Variants in IFT27 observed in about 807,000 individuals in gnomAD.
IFT27 encodes the protein intraflagellar transport 27, also known as intraflagellar transport protein 27 homolog.
Under a neutral mutation model 23.9 loss-of-function variants are expected in IFT27, and 19 were observed. The observed-to-expected ratio is 0.79, with a 90% CI of 0.55 to 1.16. The LOEUF is 1.16. IFT27 is among the 50% of genes most tolerant of loss of function. IFT27 has a pLI of 0.00. For missense variants in IFT27, 206 were observed against 228.7 expected, an observed-to-expected ratio of 0.90 and a Z score of 0.64; for synonymous variants, 91 against 89.1, an observed-to-expected ratio of 1.02 and a Z score of -0.12.
In IFT27 at chr22:36,758,359, G is replaced by A. The variant is rs769127617; in HGVS notation, c.513C>T (p.Phe171=). 3 of 1,614,186 alleles carry A rather than the reference G, an allele frequency of 1.9e-6. No individual in the cohort carries two copies. Among genetic ancestry groups the A allele is most frequent in the Non-Finnish European group, 1.7e-6 (2 of 1,180,032 alleles). ...EAPFHCLAKQ[F]HQLYREKVEV... is the part of the protein sequence containing the mutation. ...CCACCTTCTCCCGGTACAGCTGGTG[G>A]AACTGCTTGGCAAGGCAGTGGAAAG... The change falls in exon 7 of 7, where the codon TTC becomes TTT. Residue 171 remains phenylalanine (F), a synonymous_variant. Transcript: ENST00000433985.
intron 3 of IFT27, chr22:36,767,088 C>T (rs2145920155): frequency 2.3e-6 from 1 of 432,716 alleles, no homozygotes; most frequent in African/African-American, 2.0e-5. Flanking sequence ...GAACAAGTTC[C>T]TCAAGGGCCA....
intron 1 of IFT27, among the ~76,000 whole-genome samples, chr22:36,771,511 T>C (rs913466429): frequency 6.6e-6 from 1 of 152,064 alleles, no homozygotes; most frequent in African/African-American, 2.4e-5. Context: ...TGGTGCTCTG[T>C]GGCATGTGCT....
Position 36,766,174 on chromosome 22 carries a change from A to G in IFT27, c.198T>C (p.Ala66=), listed in dbSNP as rs147481935. The change falls in exon 4 of 7, where the codon GCT becomes GCC. Residue 66 remains alanine, a synonymous_variant. Coordinates refer to ENST00000433985, the MANE Select transcript of IFT27 (RefSeq NM_001177701.3). ...GCATTTCCGAAAACAGCTCCTTGCC[A>G]GCAGAGTCAAAAATGAAGAGTTCCT... The part of the protein sequence containing the change: ...DSVELFIFDS[A]GKELFSEMLD... 1.9e-5 allele frequency: 30 copies of G among 1,614,076 alleles called. 1 individual carries two copies. Among genetic ancestry groups the G allele is most frequent in the Admixed American group, 3.3e-5 (2 of 60,006 alleles).
chr22:36,767,924 G>A lies in IFT27; in HGVS notation c.35-62C>T, dbSNP rs113640816. On this transcript the variant is annotated intron_variant, in intron 1 of 6. Coordinates refer to ENST00000433985, the MANE Select transcript of IFT27 (RefSeq NM_001177701.3). ...TTCTCATCTGACTTGAGAATCTCCCGCTGCAGAACATTAGTCTAGAAACCA... is the reference window on the plus strand; with the variant it reads ...TTCTCATCTGACTTGAGAATCTCCCACTGCAGAACATTAGTCTAGAAACCA... 2,213 of 1,398,878 alleles carry A rather than the reference G, an allele frequency of 1.6e-3. 15 individuals carry two copies. The highest frequency in any genetic ancestry group is 0.014 in the Middle Eastern group (79 of 5,664). 86.7% of individuals were successfully genotyped at this position (1,398,878 alleles called of 1,614,324 possible). A position where few individuals can be genotyped will look rare whatever the true frequency, so the allele number is the denominator to read the frequency against.
At chr22:36,766,042 A>G in intron 4 of IFT27, 96 bp downstream of exon 4, 1 of 977,494 alleles carries the variant, frequency 1.0e-6, no homozygotes, top group Middle Eastern at 2.1e-4. Flanking sequence ...GCTTCCCAAC[A>G]GCACAGTGCA....
Position 36,775,832 on chromosome 22 carries a change from A to C in IFT27, c.-125T>G. On this transcript the variant is annotated 5_prime_UTR_variant, in exon 1 of 7. Transcript: ENST00000433985. ...GGTGGGGAGGGGAGGGCTGATCTCA[A>C]GGGTCAGTGGCCGCGACGGGACTGG... is the stretch of plus-strand genomic sequence containing the variant. 1.5e-6 allele frequency: 1 copy of C among 667,874 alleles called. No homozygotes were observed. Among genetic ancestry groups the C allele is most frequent in the Non-Finnish European group, 2.4e-6 (1 of 422,466 alleles). The allele number at this position is 667,874 out of a possible 1,614,324, so 41.4% of individuals were successfully genotyped here. A position where few individuals can be genotyped will look rare whatever the true frequency, so the allele number is the denominator to read the frequency against.
At position 36,775,813 on chromosome 22, in the gene IFT27, G is replaced by A; in HGVS notation, c.-106C>T. 1.7e-6 allele frequency: 2 copies of A among 1,147,842 alleles called. No homozygotes were observed. The highest frequency in any genetic ancestry group is 2.6e-6 in the Non-Finnish European group (2 of 760,670). The allele number at this position is 1,147,842 out of a possible 1,614,324, so 71.1% of individuals were successfully genotyped here. Reference sequence around the variant, plus strand: ...GGCTGGCCTGGGACGGGAAGGTGGGGAGGGGAGGGCTGATCTCAAGGGTCA... The same window carrying A: ...GGCTGGCCTGGGACGGGAAGGTGGGAAGGGGAGGGCTGATCTCAAGGGTCA... On this transcript the variant is annotated 5_prime_UTR_variant, in exon 1 of 7. Coordinates refer to ENST00000433985, the MANE Select transcript of IFT27 (RefSeq NM_001177701.3).
chr22:36,765,406 G>A (rs1051398314), intron 4 of IFT27, among the ~76,000 whole-genome samples: 8 of 152,260 alleles, frequency 5.3e-5, no homozygotes, highest in Admixed American at 2.6e-4. Context: ...CCATGCACAC[G>A]GTAGGCAATT....
chr22:36,762,981 C>G lies in IFT27; in HGVS notation c.385G>C (p.Gly129Arg). The change falls in exon 6 of 7, where the codon GGC becomes CGC. Residue 129 changes from glycine (G) to arginine (R), a missense_variant. Gly to Arg is a moderately radical substitution (Grantham distance 125). Coordinates refer to ENST00000433985, the MANE Select transcript of IFT27 (RefSeq NM_001177701.3). ...TCAGCTGAGTCCACTGCTCGTCTGC[C>G]GGCCAGGTCTGTCTTGTTCCCAACT... ...VLVGNKTDLA[G>R]RRAVDSAEAR... 1.2e-6 allele frequency: 2 copies of G among 1,606,122 alleles called. No individual in the cohort carries two copies. Among genetic ancestry groups the G allele is most frequent in the Non-Finnish European group, 1.7e-6 (2 of 1,175,480 alleles).
At position 36,762,828 on chromosome 22, in the gene IFT27, C is replaced by T. The variant is rs147035223; in HGVS notation, c.462+76G>A. On this transcript the variant is annotated intron_variant, in intron 6 of 6. Transcript: ENST00000433985. ...TATGGTGGAATAACAGCTCCCTGCA[C>T]GTGAGGTCATGTGCAAGACCGCTGC... 2.0e-3 allele frequency: 1,638 copies of T among 833,772 alleles called. 11 individuals carry two copies. The highest frequency in any genetic ancestry group is 0.02 in the Middle Eastern group (72 of 3,672). The allele number at this position is 833,772 out of a possible 1,614,324, so 51.6% of individuals were successfully genotyped here. A position where few individuals can be genotyped will look rare whatever the true frequency, so the allele number is the denominator to read the frequency against.
intron 4 of IFT27, 144 bp downstream of exon 4, chr22:36,765,994 G>A: frequency 1.4e-6 from 1 of 735,814 alleles, no homozygotes; most frequent in South Asian, 1.6e-5. Flanking sequence ...TGAGTCCTGG[G>A]CTGGGAGGAA....
chr22:36,766,455 C>T (rs1938252761), intron 3 of IFT27: 1 of 486,312 alleles, frequency 2.1e-6, no homozygotes, highest in Non-Finnish European at 3.8e-6. Context: ...CTCTTGTAAC[C>T]CTGAGTGCAA....
At chr22:36,772,628 C>A in intron 1 of IFT27, 1 of 985,488 alleles carries the variant, frequency 1.0e-6, no homozygotes, top group South Asian at 4.7e-5. Flanking sequence ...GTATCACACG[C>A]ATCTTAGTTC....
At chr22:36,758,510 C>G (rs1294464375) in intron 6 of IFT27, 101 bp from the exon 7 acceptor site, 6 of 882,294 alleles carry the variant, frequency 6.8e-6, no homozygotes, top group Non-Finnish European at 1.1e-5. Flanking sequence ...CTACTTTCCA[C>G]CTCATTTCAT....
intron 4 of IFT27, among the ~76,000 whole-genome samples, chr22:36,764,793 G>T (rs763375428): frequency 1.3e-5 from 2 of 152,234 alleles, no homozygotes; most frequent in Non-Finnish European, 1.5e-5. Context: ...CAGAGTCCTG[G>T]GATGTCCTGC....
At chr22:36,760,313 TG>T (rs36033673) in intron 6 of IFT27, 1 of 152,192 alleles carries the variant, frequency 6.6e-6, no homozygotes, top group Non-Finnish European at 1.5e-5. Context: ...AATGCAATCT[TG>T]GGAGATCGCA....
intron 2 of IFT27, 136 bp downstream of exon 2, chr22:36,767,647 C>T (rs931199398): frequency 9.6e-6 from 8 of 831,964 alleles, no homozygotes; most frequent in Admixed American, 4.1e-5. Context: ...GTGGAAAAAA[C>T]GATCTCCACG....
chr22:36,758,495 G>T, intron 6 of IFT27, 86 bp from the exon 7 acceptor site: 2 of 1,001,288 alleles, frequency 2.0e-6, no homozygotes, highest in Non-Finnish European at 3.2e-6. Flanking sequence ...TCATTCGGGG[G>T]CTACCTACTT....
At chr22:36,763,256 C>T (rs774242122) in intron 5 of IFT27, 3 of 412,582 alleles carry the variant, frequency 7.3e-6, no homozygotes, top group Non-Finnish European at 1.3e-5. Flanking sequence ...CTAGACCTCA[C>T]GTGTATCTGT....
Sources: allele counts gnomAD v4.1 joint callset (sites outside exome capture counted in the v4.1 genomes callset), GRCh38; gene constraint gnomAD v4.1.1; transcripts MANE v1.5; gene names NCBI Gene and HGNC (gene_info 2026-07-23, HGNC 2026-07-21).